Variants in STK3 observed in about 807,000 individuals in gnomAD.
STK3 encodes the protein serine/threonine kinase 3, also known as serine/threonine-protein kinase 3.
Under a neutral mutation model 58.0 loss-of-function variants are expected in STK3, and 41 were observed. The ratio of observed to expected loss-of-function variants is 0.71; its 90% CI spans 0.55 to 0.92. The LOEUF is 0.92. Among genes scored for constraint, STK3 ranks in the 40% least tolerant of loss-of-function variants. The pLI is 0.00. For missense variants in STK3, 479 were observed against 602.7 expected (o/e 0.79, Z 2.15); for synonymous variants, 170 against 191.0 (o/e 0.89, Z 0.91).
the STK3 span, among the ~76,000 whole-genome samples, chr8:98,362,133 A>G: frequency 3.3e-5 from 5 of 152,296 alleles, no homozygotes; most frequent in African/African-American, 1.2e-4. Context: ...AAGTCTACCT[A>G]GAAGAGAGCA....
chr8:98,878,008 A>T (rs1837620401), intron 3 of STK3, among the ~76,000 whole-genome samples: 1 of 152,116 alleles, frequency 6.6e-6, no homozygotes, highest in Admixed American at 6.6e-5. Flanking sequence ...GGTGTTAGCA[A>T]ATCATAACCA....
At chr8:98,590,284 A>G (rs1444991656) in intron 7 of STK3, among the ~76,000 whole-genome samples, 7 of 152,128 alleles carry the variant, frequency 4.6e-5, no homozygotes, top group Non-Finnish European at 8.8e-5. Flanking sequence ...TGGAATATAA[A>G]TTTCTGAGCC....
chr8:98,579,758 G>A lies in STK3; in HGVS notation c.854C>T (p.Ser285Leu). Residue 285 changes from serine to leucine, a missense_variant, in exon 8 of 11, where the codon TCA becomes TTA. This residue lies in a region of STK3 where 309 missense variants were observed against 355.7 expected (regional missense o/e 0.87). Coordinates refer to ENST00000419617, the MANE Select transcript of STK3 (RefSeq NM_006281.4). ...TTCTGTGATCAGGTCTCTTAATATTGATACAGGTTTGGCATTCTTGATAAA... is the reference window on the plus strand; with the variant it reads ...TTCTGTGATCAGGTCTCTTAATATTAATACAGGTTTGGCATTCTTGATAAA... The part of the protein sequence containing the change: ...HPFIKNAKPV[S>L]ILRDLITEAM... 8.2e-6 allele frequency: 13 copies of A among 1,594,470 alleles called. No homozygotes were observed. The highest frequency in any genetic ancestry group is 1.1e-5 in the Non-Finnish European group (13 of 1,174,024).
intron 3 of STK3, among the ~76,000 whole-genome samples, chr8:98,858,392 C>A (rs183075545): frequency 2.6e-4 from 35 of 136,422 alleles, no homozygotes; most frequent in Middle Eastern, 4.1e-3. Context: ...ATATACATAA[C>A]TCCTGACCTC....
intron 10 of STK3, among the ~76,000 whole-genome samples, chr8:98,486,636 G>A (rs993966167): frequency 2.0e-5 from 3 of 152,050 alleles, no homozygotes; most frequent in African/African-American, 4.8e-5. Context: ...CAAAGGAAAT[G>A]GTGGAGGAAA....
intron 1 of STK3, among the ~76,000 whole-genome samples, chr8:98,445,938 A>C (rs1263745360): frequency 6.6e-6 from 1 of 152,214 alleles, no homozygotes; most frequent in East Asian, 1.9e-4. Context: ...TATCTGGAAA[A>C]CATTCAGTGA....
chr8:98,542,151 G>A (rs898162562), intron 9 of STK3, among the ~76,000 whole-genome samples: 1 of 152,180 alleles, frequency 6.6e-6, no homozygotes, highest in Non-Finnish European at 1.5e-5. Context: ...TGTTTGGCCT[G>A]TAGTAGGAGC....
chr8:98,586,571 G>A (rs1320171171), intron 7 of STK3, among the ~76,000 whole-genome samples: 7 of 149,542 alleles, frequency 4.7e-5, no homozygotes, highest in African/African-American at 1.7e-4. Flanking sequence ...TTTTGGTTGT[G>A]TCTCTGCCCG....
chr8:98,941,160 A>C (rs754635048), intron 1 of STK3, among the ~76,000 whole-genome samples: 3 of 152,208 alleles, frequency 2.0e-5, no homozygotes, highest in African/African-American at 7.2e-5. Context: ...TGCGGACTGC[A>C]GCCCGCGGCT....
chr8:98,353,844 G>A, the STK3 span, among the ~76,000 whole-genome samples: 6 of 152,072 alleles, frequency 3.9e-5, no homozygotes, highest in Admixed American at 3.9e-4. Context: ...CAGGAGGAGA[G>A]GTATGGGAAA....
chr8:98,905,486 C>T, intron 1 of STK3: 1 of 1,208,984 alleles, frequency 8.3e-7, no homozygotes, highest in Non-Finnish European at 1.2e-6. Flanking sequence ...TGATGTTCAC[C>T]CCATGAAGCT....
chr8:98,614,603 C>G, intron 6 of STK3, among the ~76,000 whole-genome samples: 1 of 149,754 alleles, frequency 6.7e-6, no homozygotes, highest in South Asian at 2.1e-4. Flanking sequence ...TGGGTGTGCG[C>G]ACCGTGCGCG....
rs556946115 is a variant in STK3, at chr8:98,731,366, T to C, written c.351+17910A>G. Among the ~76,000 whole-genome samples, 14 of 152,156 alleles carry C rather than the reference T, an allele frequency of 9.2e-5. No homozygotes were observed. The South Asian group carries it at 2.9e-3, about 32-fold the overall frequency. ...GCCCCTGCTCCCATGTACATGCAGA[T>C]TACATGAATTCTGGCATTTATCCCC... On this transcript the variant is annotated intron_variant, in intron 4 of 10. Transcript: ENST00000419617.
intron 1 of STK3, among the ~76,000 whole-genome samples, chr8:98,795,090 AAAAAAAAAAAAAAATATAT>A (rs2131596155): frequency 1.6e-5 from 1 of 63,600 alleles, no homozygotes. Context: ...AAAAAAAAAA[AAAAAAAAAAAAAAATATAT>A]ATATATATAT....
intron 1 of STK3, among the ~76,000 whole-genome samples, chr8:98,776,310 C>A (rs1277852938): frequency 6.6e-6 from 1 of 151,806 alleles, no homozygotes; most frequent in Non-Finnish European, 1.5e-5. Flanking sequence ...ATTGGTTTCA[C>A]AAACATTTTG....
At chr8:98,447,102 C>T (rs1419053274) in intron 1 of STK3, among the ~76,000 whole-genome samples, 1 of 151,950 alleles carries the variant, frequency 6.6e-6, no homozygotes, top group African/African-American at 2.4e-5. Context: ...TGGAGGGTGG[C>T]AAGAGGGAGA....
At chr8:98,877,354 A>G (rs1837591598) in intron 3 of STK3, among the ~76,000 whole-genome samples, 1 of 152,162 alleles carries the variant, frequency 6.6e-6, no homozygotes, top group South Asian at 2.1e-4. Flanking sequence ...TTCAAACTCC[A>G]AAGCTTAAGG....
At chr8:98,699,835 C>T (rs1293055941) in intron 6 of STK3, among the ~76,000 whole-genome samples, 3 of 152,220 alleles carry the variant, frequency 2.0e-5, no homozygotes, top group African/African-American at 4.8e-5. Context: ...CTTGAGGAGG[C>T]AGTCTGCCCA....
chr8:98,623,602 A>G (rs1014456778), intron 6 of STK3, among the ~76,000 whole-genome samples: 1 of 152,162 alleles, frequency 6.6e-6, no homozygotes, highest in Non-Finnish European at 1.5e-5. Context: ...TGGGCAACGT[A>G]GCGACAGCCC....
Sources: allele counts gnomAD v4.1 joint callset (sites outside exome capture counted in the v4.1 genomes callset), GRCh38; gene constraint gnomAD v4.1.1; regional missense constraint gnomAD v4.1.1; transcripts MANE v1.5; gene names NCBI Gene and HGNC (gene_info 2026-07-23, HGNC 2026-07-21).